The following FAF1 variants were observed in gnomAD, a reference collection of about 807,000 sequenced individuals.
The protein encoded by FAF1 is FAS-associated factor 1.
In FAF1, 25 loss-of-function variants were observed where a neutral mutation model predicts 92.5. That is an observed-to-expected ratio of 0.27 (90% confidence interval 0.20 to 0.38). The LOEUF (loss-of-function observed/expected upper bound fraction) is 0.38, where lower values mean the gene tolerates loss of function less well. Among genes scored for constraint, FAF1 ranks in the 10% least tolerant of loss-of-function variants. The pLI, the probability that FAF1 is intolerant of heterozygous loss-of-function variation, is 1.00. For missense variants in FAF1, 636 were observed against 793.3 expected (o/e 0.80, Z 2.38); for synonymous variants, 234 against 273.2 (o/e 0.86, Z 1.42).
At chr1:50,755,391 T>A (rs139006724) in intron 4 of FAF1, among the ~76,000 whole-genome samples, 3 of 152,176 alleles carry the variant, frequency 2.0e-5, no homozygotes, top group Non-Finnish European at 4.4e-5. Flanking sequence ...CTAGGTCACA[T>A]TGATGCAAGA....
At chr1:50,564,466 T>C (rs1022638195) in intron 13 of FAF1, among the ~76,000 whole-genome samples, 1 of 152,166 alleles carries the variant, frequency 6.6e-6, no homozygotes, top group Non-Finnish European at 1.5e-5. Flanking sequence ...TATATTAATA[T>C]GTCCCCATTT....
At chr1:50,669,556 T>G (rs1440494565) in intron 7 of FAF1, among the ~76,000 whole-genome samples, 1 of 151,414 alleles carries the variant, frequency 6.6e-6, no homozygotes, top group Non-Finnish European at 1.5e-5. Flanking sequence ...AACATATAGT[T>G]GATAAAAAAA....
chr1:50,637,721 A>T (rs1326541171), intron 8 of FAF1, among the ~76,000 whole-genome samples: 1 of 122,190 alleles, frequency 8.2e-6, no homozygotes, highest in Non-Finnish European at 1.8e-5. Flanking sequence ...GTGCGTGTGC[A>T]TATGTGTGTA....
chr1:50,622,004 A>T (rs1302847779), intron 8 of FAF1, among the ~76,000 whole-genome samples: 4 of 151,906 alleles, frequency 2.6e-5, no homozygotes, highest in Non-Finnish European at 5.9e-5. Flanking sequence ...AGTCTCTACT[A>T]AAAATACAAA....
intron 4 of FAF1, among the ~76,000 whole-genome samples, chr1:50,766,024 G>A (rs1343273396): frequency 6.6e-6 from 1 of 152,002 alleles, no homozygotes; most frequent in Non-Finnish European, 1.5e-5. Flanking sequence ...CCCGGGAGGC[G>A]CAGGGTGCAG....
chr1:50,545,637 GA>G (rs144079884), intron 13 of FAF1, among the ~76,000 whole-genome samples: 1 of 150,648 alleles, frequency 6.6e-6, no homozygotes, highest in Non-Finnish European at 1.5e-5. Flanking sequence ...GATTAGTAAA[GA>G]AAAAAAACTG....
chr1:50,779,872 A>T (rs1661098360), intron 4 of FAF1, among the ~76,000 whole-genome samples: 1 of 151,962 alleles, frequency 6.6e-6, no homozygotes, highest in Non-Finnish European at 1.5e-5. Context: ...CACTTGAACC[A>T]GGGAATTCAA....
intron 4 of FAF1, chr1:50,781,030 G>A: frequency 2.2e-6 from 1 of 459,158 alleles, no homozygotes; most frequent in Non-Finnish European, 4.4e-6. Flanking sequence ...CACTGTGGGT[G>A]ACAGCCTGAT....
intron 3 of FAF1, among the ~76,000 whole-genome samples, chr1:50,800,419 G>C (rs990215827): frequency 5.9e-5 from 9 of 152,228 alleles, no homozygotes; most frequent in East Asian, 1.9e-4. Context: ...TAGCCATAAA[G>C]GAAGTTCATC....
At chr1:50,557,289 C>T (rs1649635320) in intron 13 of FAF1, among the ~76,000 whole-genome samples, 1 of 152,148 alleles carries the variant, frequency 6.6e-6, no homozygotes, top group Non-Finnish European at 1.5e-5. Flanking sequence ...CTGAGTTAGC[C>T]AACAGTAGAT....
chr1:50,707,367 T>TC (rs925609544), intron 6 of FAF1, among the ~76,000 whole-genome samples: 1 of 152,100 alleles, frequency 6.6e-6, no homozygotes, highest in Non-Finnish European at 1.5e-5. Context: ...AAATAGAATT[T>TC]CTTGAAGCAA....
intron 9 of FAF1, among the ~76,000 whole-genome samples, chr1:50,593,336 A>C (rs1481567733): frequency 6.6e-6 from 1 of 152,192 alleles, no homozygotes; most frequent in Non-Finnish European, 1.5e-5. Context: ...AGTGAGGGTG[A>C]GAGAAGAAAA....
chr1:50,770,479 C>T (rs1434576734), intron 4 of FAF1, among the ~76,000 whole-genome samples: 1 of 152,136 alleles, frequency 6.6e-6, no homozygotes, highest in Non-Finnish European at 1.5e-5. Context: ...AGCTGAGAGT[C>T]AATTCAAGAA....
chr1:50,580,907 G>C (rs1427806826), intron 12 of FAF1, among the ~76,000 whole-genome samples: 1 of 152,144 alleles, frequency 6.6e-6, no homozygotes, highest in Non-Finnish European at 1.5e-5. Context: ...AAGTAGCTGG[G>C]ACTAGAGGCA....
chr1:50,655,091 C>T (rs1655045355), intron 8 of FAF1, among the ~76,000 whole-genome samples: 3 of 152,014 alleles, frequency 2.0e-5, no homozygotes, highest in Admixed American at 1.3e-4. Context: ...TTATCTCAAC[C>T]TCCTGAGTAG....
At chr1:50,914,886 C>T (rs1557587516) in intron 1 of FAF1, among the ~76,000 whole-genome samples, 1 of 152,162 alleles carries the variant, frequency 6.6e-6, no homozygotes, top group Non-Finnish European at 1.5e-5. Flanking sequence ...CTTGTTTTCA[C>T]CAGCCTAGAC....
At chr1:50,811,626 C>T (rs993582707) in intron 2 of FAF1, among the ~76,000 whole-genome samples, 1 of 152,128 alleles carries the variant, frequency 6.6e-6, no homozygotes, top group African/African-American at 2.4e-5. Context: ...TGAAAATGGC[C>T]ACACTGCCTA....
At chr1:50,699,901 A>G (rs1470276031) in intron 7 of FAF1, among the ~76,000 whole-genome samples, 1 of 152,178 alleles carries the variant, frequency 6.6e-6, no homozygotes, top group East Asian at 1.9e-4. Context: ...AACTAACCCT[A>G]CATTCATGTT....
At chr1:50,958,220 A>C (rs373906664) in intron 1 of FAF1, among the ~76,000 whole-genome samples, 2 of 152,194 alleles carry the variant, frequency 1.3e-5, no homozygotes, top group African/African-American at 4.8e-5. Context: ...CAAAACATCA[A>C]AATCTTATGG....
Sources: gnomAD v4.1 joint callset for allele counts (sites outside exome capture counted in the v4.1 genomes callset) on GRCh38, gnomAD v4.1.1 for gene constraint, MANE v1.5 for transcripts, NCBI Gene and HGNC (gene_info 2026-07-23, HGNC 2026-07-21) for gene names.